Variants in GPHN observed in about 807,000 individuals in gnomAD.
The protein encoded by GPHN is gephyrin.
In GPHN, 17 loss-of-function variants were observed where a neutral mutation model predicts 95.5. The observed-to-expected ratio is 0.18, with a 90% CI of 0.12 to 0.27. GPHN has a LOEUF of 0.27. Among genes scored for constraint, GPHN ranks in the 10% least tolerant of loss-of-function variants. GPHN has a pLI of 1.00. For missense variants in GPHN, 660 were observed against 978.1 expected, an observed-to-expected ratio of 0.67 and a Z score of 4.34; for synonymous variants, 320 against 322.5, an observed-to-expected ratio of 0.99 and a Z score of 0.08.
At chr14:67,496,295 G>A in the GPHN span, among the ~76,000 whole-genome samples, 81 of 148,418 alleles carry the variant, frequency 5.5e-4, no homozygotes, top group Middle Eastern at 0.014. Flanking sequence ...GTTTTGTCAT[G>A]TTGCCCAGGC....
intron 11 of GPHN, among the ~76,000 whole-genome samples, chr14:67,074,917 G>A (rs2076437989): frequency 6.6e-6 from 1 of 152,180 alleles, no homozygotes; most frequent in South Asian, 2.1e-4. Flanking sequence ...AATGCAAGGT[G>A]AAGCAGCAAA....
At chr14:67,574,001 A>T in the GPHN span, 38 of 802,998 alleles carry the variant, frequency 4.7e-5, no homozygotes, top group Middle Eastern at 2.7e-4. The surrounding 1 kb of genome is among the most constrained non-coding windows in gnomAD (Gnocchi z 4.2). Context: ...ACTTCAGATC[A>T]ACATTTGGAC....
intron 4 of GPHN, among the ~76,000 whole-genome samples, chr14:66,846,819 T>C (rs1439837363): frequency 2.0e-5 from 3 of 152,122 alleles, no homozygotes; most frequent in African/African-American, 4.8e-5. Flanking sequence ...TAATGTCCAA[T>C]AGGCTGTTCT....
At chr14:67,661,538 T>C in the GPHN span, among the ~76,000 whole-genome samples, 4 of 147,454 alleles carry the variant, frequency 2.7e-5, no homozygotes, top group African/African-American at 1.0e-4. Flanking sequence ...CCTTTTTTTT[T>C]TTTTTTTTTT....
intron 1 of GPHN, among the ~76,000 whole-genome samples, chr14:66,550,458 T>C (rs1001413480): frequency 2.6e-5 from 4 of 152,228 alleles, no homozygotes; most frequent in Non-Finnish European, 4.4e-5. Flanking sequence ...AAGTGGTTTC[T>C]TGAGATGGAA....
At chr14:67,534,503 T>TA in the GPHN span, among the ~76,000 whole-genome samples, 506 of 150,150 alleles carry the variant, frequency 3.4e-3, 4 homozygotes, top group African/African-American at 0.01. Context: ...TCCTGTCTGT[T>TA]AAAAAAAAAA....
the GPHN span, chr14:67,585,538 A>G: frequency 2.8e-6 from 4 of 1,429,392 alleles, no homozygotes; most frequent in Admixed American, 3.9e-5. Flanking sequence ...AACTATGGAT[A>G]TATCTGATGG....
At chr14:67,114,155 G>A (rs2078539813) in intron 16 of GPHN, among the ~76,000 whole-genome samples, 1 of 152,056 alleles carries the variant, frequency 6.6e-6, no homozygotes, top group South Asian at 2.1e-4. Context: ...TTCCAGATGT[G>A]CTTACTTCCC....
intron 11 of GPHN, among the ~76,000 whole-genome samples, chr14:67,067,454 C>T (rs964598922): frequency 6.6e-6 from 1 of 152,172 alleles, no homozygotes; most frequent in Non-Finnish European, 1.5e-5. Context: ...AGAGCTCAAA[C>T]GACGTGCTGG....
At chr14:66,766,792 AAC>A (rs909851057) in intron 2 of GPHN, among the ~76,000 whole-genome samples, 1 of 152,130 alleles carries the variant, frequency 6.6e-6, no homozygotes, top group African/African-American at 2.4e-5. Flanking sequence ...CATATGTGCA[AAC>A]ACACACAAAG....
chr14:67,698,058 T>C, the GPHN span, among the ~76,000 whole-genome samples: 1 of 152,164 alleles, frequency 6.6e-6, no homozygotes, highest in African/African-American at 2.4e-5. Context: ...CTAATCAACA[T>C]TGCAGTCAAC....
At chr14:67,169,893 G>A (rs553152597) in intron 21 of GPHN, among the ~76,000 whole-genome samples, 242 of 152,174 alleles carry the variant, frequency 1.6e-3, no homozygotes, top group African/African-American at 5.3e-3. Context: ...CCTGGCCAAC[G>A]TGGTGAAACC....
chr14:66,885,222 G>C (rs2064128375), intron 5 of GPHN, among the ~76,000 whole-genome samples: 1 of 152,000 alleles, frequency 6.6e-6, no homozygotes, highest in South Asian at 2.1e-4. Context: ...GTCTGTAGGG[G>C]AGCATAAGAT....
At chr14:67,408,010 G>A in the GPHN span, among the ~76,000 whole-genome samples, 1 of 152,014 alleles carries the variant, frequency 6.6e-6, no homozygotes, top group Non-Finnish European at 1.5e-5. Context: ...ATAGAGGGCC[G>A]GGCATGGTGG....
At chr14:67,312,156 A>G in the GPHN span, 1 of 154,274 alleles carries the variant, frequency 6.5e-6, no homozygotes. Flanking sequence ...GTAGCTGCGA[A>G]CAGTGTTGTG....
chr14:67,523,702 A>G, the GPHN span, among the ~76,000 whole-genome samples: 1 of 152,258 alleles, frequency 6.6e-6, no homozygotes, highest in Non-Finnish European at 1.5e-5. Flanking sequence ...ATTGACCAGC[A>G]TTTGTAAATA....
chr14:66,783,224 C>T (rs2059666289), intron 3 of GPHN, among the ~76,000 whole-genome samples: 1 of 152,218 alleles, frequency 6.6e-6, no homozygotes, highest in Non-Finnish European at 1.5e-5. Context: ...TATTCCACAT[C>T]ACCCCCTGCC....
At chr14:66,591,612 C>T (rs764942587) in intron 1 of GPHN, among the ~76,000 whole-genome samples, 3 of 152,130 alleles carry the variant, frequency 2.0e-5, no homozygotes, top group Non-Finnish European at 4.4e-5. Context: ...TGTGAAGGAC[C>T]TCTTCAAGTA....
chr14:66,948,820 G>A (rs575557950), intron 8 of GPHN, among the ~76,000 whole-genome samples: 1 of 152,166 alleles, frequency 6.6e-6, no homozygotes, highest in African/African-American at 2.4e-5. Context: ...TTGTTTGTTT[G>A]TTTAGATGGG....
Sources: gnomAD v4.1 joint callset for allele counts (sites outside exome capture counted in the v4.1 genomes callset) on GRCh38, gnomAD v4.1.1 for gene constraint, Gnocchi (gnomAD v3.1) non-coding constraint, MANE v1.5 for transcripts, NCBI Gene and HGNC (gene_info 2026-07-23, HGNC 2026-07-21) for gene names.